The following LPIN1 variants were observed in gnomAD, a reference collection of about 807,000 sequenced individuals.
LPIN1 encodes lipin 1, also known as phosphatidate phosphatase LPIN1.
In LPIN1, 71 loss-of-function variants were observed where a neutral mutation model predicts 107.5. The observed-to-expected ratio is 0.66, with a 90% CI of 0.55 to 0.80. The LOEUF (loss-of-function observed/expected upper bound fraction) is 0.80. Ranked by LOEUF, LPIN1 falls within the 30% of genes least tolerant of loss-of-function variation. The pLI is 0.00. For missense variants in LPIN1, 1,043 were observed against 1,160.6 expected (o/e 0.90, Z 1.47); for synonymous variants, 445 against 452.6 (o/e 0.98, Z 0.21).
At chr2:11,760,317 A>G (rs1165747910) in intron 1 of LPIN1, among the ~76,000 whole-genome samples, 1 of 152,194 alleles carries the variant, frequency 6.6e-6, no homozygotes, top group Admixed American at 6.5e-5. Flanking sequence ...GCACTTTGGG[A>G]GGCCAAGGCA....
rs1225179891 is a variant in LPIN1 at position 11,786,206 on chromosome 2, G to T, written c.1550-868G>T. On this transcript the variant is annotated intron_variant, in intron 10 of 20. Coordinates refer to ENST00000674199, the MANE Select transcript of LPIN1 (RefSeq NM_001349206.2). This position sits in a 1 kb window ranked among gnomAD's most constrained non-coding sequence, Gnocchi z 4.1. ...CCCCAGGAGAGTCCCCGGAGGTCCT[G>T]ATTAGGGCTCTGAGGGTGCATGTTG... Among the ~76,000 whole-genome samples, 1 of 152,172 alleles carries T rather than the reference G, an allele frequency of 6.6e-6. No homozygotes were observed. Among genetic ancestry groups the T allele is most frequent in the African/African-American group, 2.4e-5 (1 of 41,440 alleles).
At chr2:11,731,171 A>G (rs1392771792) in intron 1 of LPIN1, among the ~76,000 whole-genome samples, 1 of 152,128 alleles carries the variant, frequency 6.6e-6, no homozygotes, top group Non-Finnish European at 1.5e-5. Context: ...TCAACCCGTT[A>G]TCTAGGTTTA....
chr2:11,783,306 G>A (rs1282291187), intron 8 of LPIN1, among the ~76,000 whole-genome samples: 1 of 152,172 alleles, frequency 6.6e-6, no homozygotes, highest in Non-Finnish European at 1.5e-5. Flanking sequence ...CATAATAAGT[G>A]TAATAATAAT....
At chr2:11,759,889 G>GCCCCCCACCTCCCTCCCGGATGGGGCA (rs1669429801) in intron 1 of LPIN1, among the ~76,000 whole-genome samples, 3 of 150,672 alleles carry the variant, frequency 2.0e-5, no homozygotes, top group South Asian at 2.1e-4. Context: ...CGGACGGGGT[G>GCCCCCCACCTCCCTCCCGGATGGGGCA]GCTGCCGGGC....
chr2:11,748,734 C>G (rs1458954946), intron 1 of LPIN1, among the ~76,000 whole-genome samples: 2 of 152,152 alleles, frequency 1.3e-5, no homozygotes, highest in Non-Finnish European at 2.9e-5. Flanking sequence ...GGTTCAAGGC[C>G]TAAAAGGTAC....
At chr2:11,688,141 C>G (rs1008359577) in intron 1 of LPIN1, among the ~76,000 whole-genome samples, 3 of 152,192 alleles carry the variant, frequency 2.0e-5, no homozygotes, top group Non-Finnish European at 4.4e-5. Flanking sequence ...CTTGTTATAG[C>G]TGAAAATATC....
Position 11,776,146 on chromosome 2 carries a change from G to C in LPIN1, c.783G>C (p.Leu261=). Residue 261 remains leucine, a synonymous_variant, in exon 6 of 21, where the codon CTG becomes CTC. Coordinates refer to ENST00000674199, the MANE Select transcript of LPIN1 (RefSeq NM_001349206.2). ...PHLAVAAEGG[L]SSSCPPQSSL... The stretch of plus-strand genomic sequence containing the variant: ...TTGCAGTTGCGGCCGAGGGAGGTCT[G>C]TCTAGTTCTTGCCCTCCACAGTCTT... The C allele has an allele frequency of 6.5e-7, 1 of 1,547,946 alleles. No homozygotes were observed. The highest frequency in any genetic ancestry group is 2.4e-5 in the East Asian group (1 of 40,866).
chr2:11,765,249 A>G lies in LPIN1; in HGVS notation c.-9-284A>G, dbSNP rs1429949696. Among the ~76,000 whole-genome samples the G allele has an allele frequency of 5.3e-5, 7 of 133,098 alleles. No homozygotes were observed. Among genetic ancestry groups the G allele is most frequent in the Non-Finnish European group, 4.8e-5 (3 of 62,802 alleles). 87.3% of individuals were successfully genotyped at this position (133,098 alleles called of 152,430 possible). A position where few individuals can be genotyped will look rare whatever the true frequency, so the allele number is the denominator to read the frequency against. ...GATGGGCCATGATGGGCCCTGATGGACCCTGATGGACCCTGATGGGCCGTG... is the reference window on the plus strand; with the variant it reads ...GATGGGCCATGATGGGCCCTGATGGGCCCTGATGGACCCTGATGGGCCGTG... On this transcript the variant is annotated intron_variant, in intron 1 of 20. Coordinates refer to ENST00000674199, the MANE Select transcript of LPIN1 (RefSeq NM_001349206.2). This position sits in a 1 kb window ranked among gnomAD's most constrained non-coding sequence, Gnocchi z 4.4.
intron 11 of LPIN1, among the ~76,000 whole-genome samples, chr2:11,787,373 G>C (rs1166199397): frequency 7.1e-6 from 1 of 140,682 alleles, no homozygotes; most frequent in Admixed American, 7.0e-5. Flanking sequence ...TCTCAGTCTT[G>C]TGAGTTTTCT....
intron 1 of LPIN1, among the ~76,000 whole-genome samples, chr2:11,711,986 A>G (rs1262498374): frequency 1.3e-5 from 2 of 152,132 alleles, no homozygotes; most frequent in Non-Finnish European, 2.9e-5. Flanking sequence ...TAATTACATA[A>G]TGTGCTCCAG....
At chr2:11,750,082 C>T (rs996311880) in intron 1 of LPIN1, among the ~76,000 whole-genome samples, 13 of 152,166 alleles carry the variant, frequency 8.5e-5, no homozygotes, top group Admixed American at 5.2e-4. Context: ...CTTGTGCCCC[C>T]CTCCCCTCCC....
intron 20 of LPIN1, among the ~76,000 whole-genome samples, chr2:11,823,509 TATTAAATATACACACTCGGCTTC>T (rs112600737): frequency 0.099 from 15,105 of 152,256 alleles, 902 homozygotes; most frequent in African/African-American, 0.14. Context: ...GGAGGTCCTT[TATTAAATATACACACTCGGCTTC>T]ATTTAGTACA....
At chr2:11,788,132 T>A (rs1452008222) in intron 11 of LPIN1, among the ~76,000 whole-genome samples, 1 of 152,088 alleles carries the variant, frequency 6.6e-6, no homozygotes, top group Admixed American at 6.5e-5. Flanking sequence ...ACGGTGGGAT[T>A]TGGGCTGCTG....
chr2:11,677,792 G>T, intron 1 of LPIN1: 1 of 1,379,400 alleles, frequency 7.2e-7, no homozygotes. Flanking sequence ...CCATCCCCAG[G>T]TGCCCGCGTA....
chr2:11,767,719 G>A, intron 2 of LPIN1, 44 bp from the exon 3 acceptor site: 1 of 1,292,836 alleles, frequency 7.7e-7, no homozygotes, highest in South Asian at 1.2e-5. Flanking sequence ...CTCCTGTCCT[G>A]GTGAAGGCAG....
rs1397124871 is a variant in LPIN1, at chr2:11,681,131, T to C, written c.81+3403T>C. Among the ~76,000 whole-genome samples the C allele has an allele frequency of 2.0e-5, 3 of 152,300 alleles. No homozygotes were observed. The East Asian group carries it at 5.8e-4, about 29-fold the overall frequency. On this transcript the variant is annotated intron_variant, in intron 1 of 21. Transcript: ENST00000449576. ...GGCCCAGTGGACTCAGAGAGCACTG[T>C]AGGGGAAAATGCATGGAGCCAGGTC... is the stretch of plus-strand genomic sequence containing the variant.
chr2:11,732,773 C>T (rs1488638455), intron 1 of LPIN1, among the ~76,000 whole-genome samples: 1 of 152,196 alleles, frequency 6.6e-6, no homozygotes, highest in African/African-American at 2.4e-5. Context: ...TAAATAGATA[C>T]TCCCTAGTTT....
chr2:11,703,943 GCTGGC>G (rs1663006663), intron 1 of LPIN1, among the ~76,000 whole-genome samples: 1 of 152,190 alleles, frequency 6.6e-6, no homozygotes. Flanking sequence ...TGGTGGATGG[GCTGGC>G]CTGGAAGGGT....
At chr2:11,815,322 G>A in intron 18 of LPIN1, 82 bp downstream of exon 18, 1 of 1,509,772 alleles carries the variant, frequency 6.6e-7, no homozygotes, top group South Asian at 1.2e-5. Flanking sequence ...TGTAAGAATA[G>A]CCTCCTCACT....
Sources: allele counts gnomAD v4.1 joint callset (sites outside exome capture counted in the v4.1 genomes callset), GRCh38; gene constraint gnomAD v4.1.1; non-coding constraint Gnocchi (gnomAD v3.1); transcripts MANE v1.5; gene names NCBI Gene and HGNC (gene_info 2026-07-23, HGNC 2026-07-21).